Variants in COX20 observed in about 807,000 individuals in gnomAD.
COX20 encodes the protein cytochrome c oxidase assembly protein COX20, mitochondrial.
In COX20, 14 loss-of-function variants were observed where a neutral mutation model predicts 14.3. The ratio of observed to expected loss-of-function variants is 0.98; its 90% confidence interval spans 0.65 to 1.53. The LOEUF is 1.53. Ranked by LOEUF, COX20 falls within the 40% of genes most tolerant of loss-of-function variation. The pLI is 0.00. For synonymous variants in COX20, 56 were observed against 51.7 expected (o/e 1.08, Z -0.36); for missense variants, 149 against 142.1 (o/e 1.05, Z -0.25).
At position 244,843,315 on chromosome 1, in the gene COX20, C is replaced by G; in HGVS notation, c.*139C>G. 1 of 1,004,950 alleles carries G rather than the reference C, an allele frequency of 1.0e-6. No homozygotes were observed. Among genetic ancestry groups the G allele is most frequent in the Non-Finnish European group, 1.5e-6 (1 of 689,062 alleles). The allele number at this position is 1,004,950 out of a possible 1,614,324, so 62.3% of individuals were successfully genotyped here. ...TTCCCACACTTGTGTGGAATGAAAACTTGCCAGTTTATTCTGGCCCTGTGT... is the reference window on the plus strand; with the variant it reads ...TTCCCACACTTGTGTGGAATGAAAAGTTGCCAGTTTATTCTGGCCCTGTGT... On this transcript the variant is annotated 3_prime_UTR_variant, in exon 4 of 4. Coordinates refer to ENST00000411948, the MANE Select transcript of COX20 (RefSeq NM_198076.6).
At chr1:244,835,936 G>A (rs1012238621) in intron 1 of COX20, among the ~76,000 whole-genome samples, 180 bp downstream of exon 1, 1 of 152,182 alleles carries the variant, frequency 6.6e-6, no homozygotes, top group African/African-American at 2.4e-5. Context: ...AAGTGGCCGG[G>A]ACAAAATTGA....
intron 1 of COX20, chr1:244,840,607 CCAGA>C (rs1167189836): frequency 1.4e-5 from 2 of 142,258 alleles, no homozygotes. Flanking sequence ...GGGAACGGGG[CCAGA>C]CAGAGGGAAA....
At chr1:244,838,142 C>T (rs1317300975) in intron 1 of COX20, among the ~76,000 whole-genome samples, 1 of 152,104 alleles carries the variant, frequency 6.6e-6, no homozygotes, top group Non-Finnish European at 1.5e-5. Context: ...TGGATCCTTC[C>T]AGACTTGCTA....
rs1680244569 is a variant in COX20, at chr1:244,842,412, A to C, written c.221+154A>C. On this transcript the variant is annotated intron_variant, in intron 3 of 3. Transcript: ENST00000411948. ...AGGACATTTTCATGGAAATCTTAAA[A>C]TGCTTGAACAGATAAATGCATATTA... is the stretch of plus-strand genomic sequence containing the variant. The C allele has an allele frequency of 2.2e-5, 14 of 645,274 alleles. No homozygotes were observed. The South Asian group carries it at 2.4e-4, about 11-fold the overall frequency. 40.0% of individuals were successfully genotyped at this position (645,274 alleles called of 1,614,324 possible). A position where few individuals can be genotyped will look rare whatever the true frequency, so the allele number is the denominator to read the frequency against.
chr1:244,838,626 T>C (rs1680074103), intron 1 of COX20, among the ~76,000 whole-genome samples: 2 of 152,168 alleles, frequency 1.3e-5, no homozygotes, highest in South Asian at 4.1e-4. Context: ...CTTTTAGAGG[T>C]CTTGACTGGT....
Position 244,842,325 on chromosome 1 carries a change from C to T in COX20, c.221+67C>T. On this transcript the variant is annotated intron_variant, in intron 3 of 3. Coordinates refer to ENST00000411948, the MANE Select transcript of COX20 (RefSeq NM_198076.6). ...GGTTATCTAATTCAAAAAGCACATG[C>T]TCTTTTCAGAGCAGTCTCCCATTGG... is the stretch of plus-strand genomic sequence containing the variant. 9.1e-6 allele frequency: 10 copies of T among 1,095,452 alleles called. No homozygotes were observed. In the South Asian group the frequency reaches 1.2e-4, roughly 14 times the overall value. 67.9% of individuals were successfully genotyped at this position (1,095,452 alleles called of 1,614,324 possible). A position where few individuals can be genotyped will look rare whatever the true frequency, so the allele number is the denominator to read the frequency against.
rs1679947588 is a variant in COX20 at position 244,835,679 on chromosome 1, G to C, written c.-36G>C. 1 of 1,237,868 alleles carries C rather than the reference G, an allele frequency of 8.1e-7. No individual in the cohort carries two copies. Among genetic ancestry groups the C allele is most frequent in the Admixed American group, 4.2e-5 (1 of 23,730 alleles). 76.7% of individuals were successfully genotyped at this position (1,237,868 alleles called of 1,614,324 possible). A position where few individuals can be genotyped will look rare whatever the true frequency, so the allele number is the denominator to read the frequency against. ...CCGGGCTTCTGCTTCCGCGACCCCG[G>C]CGGTGCAGGGCGGGTGGAGTCGCGG... On this transcript the variant is annotated 5_prime_UTR_variant, in exon 1 of 4. Coordinates refer to ENST00000411948, the MANE Select transcript of COX20 (RefSeq NM_198076.6).
At chr1:244,842,117 G>A in intron 2 of COX20, 59 bp downstream of exon 2, 2 of 1,498,178 alleles carry the variant, frequency 1.3e-6, no homozygotes, top group Non-Finnish European at 1.9e-6. Flanking sequence ...TCTACATAAT[G>A]AACTATTTTT....
intron 1 of COX20, chr1:244,840,612 CAG>C (rs1491074728): frequency 6.6e-6 from 1 of 151,868 alleles, no homozygotes; most frequent in African/African-American, 2.4e-5. Context: ...CGGGGCCAGA[CAG>C]AGGGAAAAAA....
intron 1 of COX20, among the ~76,000 whole-genome samples, chr1:244,836,223 C>G (rs1332273803): frequency 6.6e-6 from 1 of 152,150 alleles, no homozygotes; most frequent in Non-Finnish European, 1.5e-5. Flanking sequence ...ATTTCTTCCC[C>G]ATCACCAGTA....
At chr1:244,837,638 C>T (rs1342766614) in intron 1 of COX20, among the ~76,000 whole-genome samples, 3 of 152,204 alleles carry the variant, frequency 2.0e-5, no homozygotes, top group East Asian at 3.8e-4. Flanking sequence ...GAGTATTAGA[C>T]ACTGAACGAG....
intron 1 of COX20, 53 bp downstream of exon 1, chr1:244,835,809 G>C: frequency 8.3e-7 from 1 of 1,207,724 alleles, no homozygotes. Context: ...GGGTAAGGAC[G>C]TTCTCCGCGG....
chr1:244,845,021 T>C lies in COX20; in HGVS notation c.*1845T>C, dbSNP rs374739847. ...CTTTAAATCATCTCTAGATTACTTA[T>C]AATGTCTAATACAAAATAAATGCTA... On this transcript the variant is annotated 3_prime_UTR_variant, in exon 4 of 4. Transcript: ENST00000411948. 7 of 165,534 alleles carry C rather than the reference T, an allele frequency of 4.2e-5. No individual in the cohort carries two copies. The highest frequency in any genetic ancestry group is 3.9e-4 in the East Asian group (2 of 5,190). 10.3% of individuals were successfully genotyped at this position (165,534 alleles called of 1,614,324 possible). A position where few individuals can be genotyped will look rare whatever the true frequency, so the allele number is the denominator to read the frequency against.
At chr1:244,835,875 A>G in intron 1 of COX20, 119 bp downstream of exon 1, 4 of 687,772 alleles carry the variant, frequency 5.8e-6, no homozygotes, top group Non-Finnish European at 6.1e-6. Flanking sequence ...TGGGCTTGAA[A>G]CTATTTTAAC....
intron 1 of COX20, among the ~76,000 whole-genome samples, chr1:244,836,198 AGAT>A (rs1391171945): frequency 6.6e-6 from 1 of 152,198 alleles, no homozygotes; most frequent in Non-Finnish European, 1.5e-5. Context: ...TACTACGATG[AGAT>A]GAAGGGTTAA....
upstream of COX20, chr1:244,835,551 C>A: frequency 2.3e-6 from 1 of 432,258 alleles, no homozygotes; most frequent in South Asian, 1.2e-4. Context: ...CCCGTGCGGC[C>A]ACTGCGGAGC....
In COX20 at chr1:244,843,038, A is replaced by C. The variant is rs200065889; in HGVS notation, c.222-3A>C. On this transcript the variant is annotated splice_polypyrimidine_tract_variant and splice_region_variant and intron_variant, in intron 3 of 3. Transcript: ENST00000411948. ...CAATTTATTCATATTCTTTTCTTCTAAGGTTTCATTGTAGGTATAATTATG... is the reference window on the plus strand; with the variant it reads ...CAATTTATTCATATTCTTTTCTTCTCAGGTTTCATTGTAGGTATAATTATG... The C allele has an allele frequency of 1.6e-5, 25 of 1,538,048 alleles. No homozygotes were observed. The Admixed American group carries it at 5.5e-4, about 34-fold the overall frequency.
chr1:244,836,747 G>C (rs924450808), intron 1 of COX20, among the ~76,000 whole-genome samples: 2 of 152,174 alleles, frequency 1.3e-5, no homozygotes, highest in African/African-American at 4.8e-5. Context: ...TATTCTCCCA[G>C]CTTGGAAATT....
chr1:244,835,832 C>G (rs1261525647), intron 1 of COX20, 76 bp downstream of exon 1: 3 of 1,089,064 alleles, frequency 2.8e-6, no homozygotes, highest in Non-Finnish European at 2.3e-6. Flanking sequence ...CTCCTAGGCC[C>G]GGAGCACGTG....
Sources: gnomAD v4.1 joint callset for allele counts (sites outside exome capture counted in the v4.1 genomes callset) on GRCh38, gnomAD v4.1.1 for gene constraint, MANE v1.5 for transcripts, NCBI Gene and HGNC (gene_info 2026-07-23, HGNC 2026-07-21) for gene names.